The following RPN2 variants were observed in gnomAD, a reference collection of about 807,000 sequenced individuals.
RPN2 encodes dolichyl-diphosphooligosaccharide--protein glycosyltransferase subunit 2.
Under a neutral mutation model 71.4 loss-of-function variants are expected in RPN2, and 29 were observed. The observed-to-expected ratio is 0.41, with a 90% CI of 0.30 to 0.55. RPN2 has a LOEUF of 0.55. Among genes scored for constraint, RPN2 ranks in the 20% least tolerant of loss-of-function variants. The probability of loss-of-function intolerance (pLI) is 0.35; values close to 1 mark genes in which losing one functional copy is unlikely to be tolerated. For synonymous variants in RPN2, 308 were observed against 305.0 expected (o/e 1.01, Z -0.10); for missense variants, 726 against 774.1 (o/e 0.94, Z 0.74).
intron 10 of RPN2, 102 bp downstream of exon 10, chr20:37,224,071 G>C (rs2068021357): frequency 1.1e-6 from 1 of 926,556 alleles, no homozygotes; most frequent in Non-Finnish European, 1.8e-6. Context: ...TGTGTCAGCA[G>C]CCATCCAGCT....
At chr20:37,239,771 C>T (rs561011338) in intron 16 of RPN2, among the ~76,000 whole-genome samples, 2 of 152,236 alleles carry the variant, frequency 1.3e-5, no homozygotes, top group African/African-American at 2.4e-5. Context: ...TTTTAGAGTC[C>T]GACCCTTCTC....
chr20:37,227,857 ACTAG>A (rs1568995037), intron 11 of RPN2, among the ~76,000 whole-genome samples: 1 of 152,232 alleles, frequency 6.6e-6, no homozygotes, highest in African/African-American at 2.4e-5. Context: ...CTATTTGTTG[ACTAG>A]CTAGCATATA....
intron 2 of RPN2, among the ~76,000 whole-genome samples, chr20:37,196,960 C>T (rs570431397): frequency 4.6e-5 from 7 of 152,158 alleles, no homozygotes; most frequent in African/African-American, 9.6e-5. Context: ...AGGGTGGATA[C>T]CTGGCCTCTC....
At position 37,199,203 on chromosome 20, in the gene RPN2, A is replaced by C; in HGVS notation, c.457A>C (p.Ser153Arg). 6.2e-7 allele frequency: 1 copy of C among 1,614,112 alleles called. No individual in the cohort carries two copies. The highest frequency in any genetic ancestry group is 8.5e-7 in the Non-Finnish European group (1 of 1,180,038). Residue 153 changes from serine to arginine, a missense_variant, in exon 4 of 17, where the codon AGC becomes CGC. Coordinates refer to ENST00000237530, the MANE Select transcript of RPN2 (RefSeq NM_002951.5). ...EALSALTARL[S>R]KEETVLATVQ... ...ACTCAGTGCCCTTACTGCTCGTCTCAGCAAGGAGGAGACTGTGCTGGCGTG... is the reference window on the plus strand; with the variant it reads ...ACTCAGTGCCCTTACTGCTCGTCTCCGCAAGGAGGAGACTGTGCTGGCGTG...
chr20:37,209,087 G>A (rs1407244849), intron 7 of RPN2, among the ~76,000 whole-genome samples: 1 of 152,168 alleles, frequency 6.6e-6, no homozygotes, highest in Non-Finnish European at 1.5e-5. Flanking sequence ...TGGCTCAACT[G>A]CTTAACTGGC....
At chr20:37,193,043 G>C (rs528411419) in intron 2 of RPN2, among the ~76,000 whole-genome samples, 1 of 152,144 alleles carries the variant, frequency 6.6e-6, no homozygotes, top group Non-Finnish European at 1.5e-5. Flanking sequence ...ATGGAGGATC[G>C]CTGGAGCCCA....
At chr20:37,220,641 A>C (rs182322127) in intron 9 of RPN2, among the ~76,000 whole-genome samples, 1 of 152,362 alleles carries the variant, frequency 6.6e-6, no homozygotes, top group Non-Finnish European at 1.5e-5. Flanking sequence ...AAGTGGAGAA[A>C]TAAGTCCCTT....
intron 2 of RPN2, among the ~76,000 whole-genome samples, chr20:37,197,214 C>G (rs1044550879): frequency 6.6e-6 from 1 of 152,134 alleles, no homozygotes; most frequent in Non-Finnish European, 1.5e-5. Context: ...GCATTTCATG[C>G]TGTGTCAGAA....
At chr20:37,213,367 G>C (rs1488989302) in intron 8 of RPN2, among the ~76,000 whole-genome samples, 1 of 152,144 alleles carries the variant, frequency 6.6e-6, no homozygotes, top group Non-Finnish European at 1.5e-5. Context: ...TCATGCCCCA[G>C]CCTGCACTTT....
intron 15 of RPN2, among the ~76,000 whole-genome samples, chr20:37,234,498 A>G (rs1415741922): frequency 2.6e-5 from 4 of 152,198 alleles, no homozygotes; most frequent in African/African-American, 4.8e-5. Context: ...CTGTGTAGTA[A>G]TAGAAAACAG....
chr20:37,233,518 A>G (rs1355824115), intron 14 of RPN2, among the ~76,000 whole-genome samples: 1 of 152,254 alleles, frequency 6.6e-6, no homozygotes, highest in Non-Finnish European at 1.5e-5. Flanking sequence ...AGATAAATCT[A>G]GAAGCCTTGC....
rs369050797 is a variant in RPN2 at position 37,220,183 on chromosome 20, T to TTGTG, written c.1093-3676_1093-3673dup. 4.9e-3 allele frequency among the ~76,000 whole-genome samples: 719 copies of TTGTG among 148,134 alleles called. 6 individuals carry two copies. The highest frequency in any genetic ancestry group is 0.017 in the African/African-American group (672 of 40,670). On this transcript the variant is annotated intron_variant, in intron 9 of 16. Coordinates refer to ENST00000237530, the MANE Select transcript of RPN2 (RefSeq NM_002951.5). ...CTTATTACATTAGAGGTGTGTGTGT[T>TTGTG]TGTGTGTGTGTGTGTGTGTGTGAGT...
intron 16 of RPN2, chr20:37,238,269 T>A: frequency 2.7e-6 from 2 of 748,080 alleles, no homozygotes; most frequent in South Asian, 3.0e-5. Flanking sequence ...TTGTGAGTCC[T>A]AGAATGAACT....
chr20:37,240,279 C>T (rs2068518669), intron 16 of RPN2, among the ~76,000 whole-genome samples: 1 of 152,326 alleles, frequency 6.6e-6, no homozygotes, highest in Admixed American at 6.5e-5. Context: ...CACTACCCTT[C>T]GGCTGTTCTT....
chr20:37,226,844 T>C (rs985571579), intron 11 of RPN2, among the ~76,000 whole-genome samples: 1 of 152,200 alleles, frequency 6.6e-6, no homozygotes, highest in African/African-American at 2.4e-5. Context: ...CCTTTAGTGT[T>C]ACGTGAAGGA....
chr20:37,199,934 T>C (rs1048025627), intron 4 of RPN2, among the ~76,000 whole-genome samples: 1 of 151,850 alleles, frequency 6.6e-6, no homozygotes, highest in Non-Finnish European at 1.5e-5. Flanking sequence ...TGGGCTCAAG[T>C]GATTTTCCTA....
intron 2 of RPN2, 127 bp from the exon 3 acceptor site, chr20:37,198,270 A>T: frequency 1.3e-6 from 2 of 1,548,268 alleles, no homozygotes; most frequent in Non-Finnish European, 1.8e-6. Context: ...TAACTACTTA[A>T]CTAAATTCAT....
intron 1 of RPN2, among the ~76,000 whole-genome samples, chr20:37,180,493 G>A (rs1033539911): frequency 2.0e-5 from 3 of 152,178 alleles, no homozygotes; most frequent in African/African-American, 7.2e-5. Context: ...TACTGCTCTC[G>A]TTAACATGGA....
intron 6 of RPN2, among the ~76,000 whole-genome samples, chr20:37,205,803 G>A (rs1417054110): frequency 6.6e-6 from 1 of 152,212 alleles, no homozygotes; most frequent in Non-Finnish European, 1.5e-5. Flanking sequence ...TTGCAAGAGT[G>A]TGGGGTCTTA....
Sources: gnomAD v4.1 joint callset for allele counts (sites outside exome capture counted in the v4.1 genomes callset) on GRCh38, gnomAD v4.1.1 for gene constraint, MANE v1.5 for transcripts, NCBI Gene and HGNC (gene_info 2026-07-23, HGNC 2026-07-21) for gene names.